PDZRN3: variants seen among roughly 807,000 people sequenced by gnomAD.
PDZRN3 encodes E3 ubiquitin-protein ligase PDZRN3.
In PDZRN3, 38 loss-of-function variants were observed where a neutral mutation model predicts 85.7. The ratio of observed to expected loss-of-function variants is 0.44; its 90% CI spans 0.34 to 0.58. PDZRN3 has a LOEUF of 0.58. Ranked by LOEUF, PDZRN3 falls within the 20% of genes least tolerant of loss-of-function variation. The pLI is 0.01. For synonymous variants in PDZRN3, 759 were observed against 638.0 expected (o/e 1.19, Z -2.86); for missense variants, 1,629 against 1,506.4 (o/e 1.08, Z -1.35).
Position 73,624,334 on chromosome 3 carries a change from T to C in PDZRN3, c.492A>G (p.Arg164=). Residue 164 remains arginine (R), a synonymous_variant, in exon 1 of 10, where the codon CGA becomes CGG. Coordinates refer to ENST00000263666, the MANE Select transcript of PDZRN3 (RefSeq NM_015009.3). The stretch of plus-strand genomic sequence containing the variant: ...GCGCGCCGTTGTGCGCCCGCAGCGC[T>C]CGCGCGCAGCAGTGGCCGCCCGCGC... ...EQRAGGHCCA[R]ALRAHNGALQ... is the part of the protein sequence containing the mutation. 1 of 1,309,640 alleles carries C rather than the reference T, an allele frequency of 7.6e-7. No individual in the cohort carries two copies. The highest frequency in any genetic ancestry group is 9.6e-7 in the Non-Finnish European group (1 of 1,036,712). 81.1% of individuals were successfully genotyped at this position (1,309,640 alleles called of 1,614,324 possible).
intron 3 of PDZRN3, among the ~76,000 whole-genome samples, chr3:73,593,007 C>T (rs1186924287): frequency 6.6e-6 from 1 of 151,952 alleles, no homozygotes; most frequent in Admixed American, 6.6e-5. Flanking sequence ...TTAAGTCAGC[C>T]CATCCCTAAC....
At chr3:73,578,115 C>T (rs896152320) in intron 3 of PDZRN3, among the ~76,000 whole-genome samples, 1 of 151,934 alleles carries the variant, frequency 6.6e-6, no homozygotes, top group African/African-American at 2.4e-5. Flanking sequence ...CTTAAGTGTG[C>T]CATTTGTTTA....
At chr3:73,565,181 C>T (rs907162355) in intron 3 of PDZRN3, among the ~76,000 whole-genome samples, 5 of 147,002 alleles carry the variant, frequency 3.4e-5, no homozygotes, top group Non-Finnish European at 4.4e-5. Context: ...CAGGCTGGAG[C>T]GCAGTGGTGT....
At chr3:73,532,064 C>T (rs909163256) in intron 3 of PDZRN3, among the ~76,000 whole-genome samples, 7 of 152,146 alleles carry the variant, frequency 4.6e-5, no homozygotes, top group Non-Finnish European at 8.8e-5. Flanking sequence ...TGCAGTGGCG[C>T]GATCTTGGCT....
intron 3 of PDZRN3, among the ~76,000 whole-genome samples, chr3:73,430,505 G>A (rs1159155502): frequency 6.6e-6 from 1 of 152,082 alleles, no homozygotes; most frequent in East Asian, 1.9e-4. Context: ...TACTGGCTGG[G>A]GTGGCACTCT....
At chr3:73,567,401 A>G (rs925556607) in intron 3 of PDZRN3, among the ~76,000 whole-genome samples, 1 of 152,254 alleles carries the variant, frequency 6.6e-6, no homozygotes, top group Non-Finnish European at 1.5e-5. Flanking sequence ...AAAAAATGCC[A>G]GGTACATTAT....
At chr3:73,612,291 G>A (rs551191179) in intron 1 of PDZRN3, among the ~76,000 whole-genome samples, 20 of 152,266 alleles carry the variant, frequency 1.3e-4, no homozygotes, top group African/African-American at 4.8e-4. Context: ...GGTCACGATT[G>A]GAACCCAGGT....
intron 3 of PDZRN3, among the ~76,000 whole-genome samples, chr3:73,513,844 C>T (rs1286257644): frequency 6.6e-6 from 1 of 152,148 alleles, no homozygotes; most frequent in Non-Finnish European, 1.5e-5. Context: ...GAGACACCCA[C>T]AAAATTTAAG....
At chr3:73,519,112 C>T (rs1053438033) in intron 3 of PDZRN3, among the ~76,000 whole-genome samples, 5 of 152,338 alleles carry the variant, frequency 3.3e-5, no homozygotes, top group Non-Finnish European at 2.9e-5. Flanking sequence ...CACTTATCTA[C>T]TTCACTCTGA....
At chr3:73,390,938 G>A (rs1701511104) in intron 6 of PDZRN3, 80 bp downstream of exon 6, 1 of 812,566 alleles carries the variant, frequency 1.2e-6, no homozygotes, top group African/African-American at 1.9e-5. Context: ...TGATGAGGTG[G>A]GTTAGGGTTG....
chr3:73,522,373 T>C (rs1559720656), intron 3 of PDZRN3, among the ~76,000 whole-genome samples: 1 of 152,208 alleles, frequency 6.6e-6, no homozygotes, highest in Non-Finnish European at 1.5e-5. Context: ...CATTTTAACT[T>C]ACCTTGGGGC....
intron 3 of PDZRN3, among the ~76,000 whole-genome samples, chr3:73,494,008 T>C (rs987777323): frequency 2.0e-5 from 3 of 152,236 alleles, no homozygotes; most frequent in African/African-American, 4.8e-5. Flanking sequence ...ATTTGAATAT[T>C]TGGCTCTAGC....
At chr3:73,504,988 T>G (rs1183222902) in intron 3 of PDZRN3, among the ~76,000 whole-genome samples, 1 of 152,220 alleles carries the variant, frequency 6.6e-6, no homozygotes, top group Non-Finnish European at 1.5e-5. Context: ...AGGAAAAGGA[T>G]AGTCTCTGTA....
intron 3 of PDZRN3, among the ~76,000 whole-genome samples, chr3:73,563,013 A>ATATT (rs1187151191): frequency 1.1e-4 from 5 of 43,762 alleles, no homozygotes; most frequent in African/African-American, 4.1e-4. Flanking sequence ...ATATATATAT[A>ATATT]TTTTTTTTTT....
intron 1 of PDZRN3, among the ~76,000 whole-genome samples, chr3:73,612,959 C>T (rs1275186705): frequency 6.6e-6 from 1 of 152,216 alleles, no homozygotes; most frequent in Non-Finnish European, 1.5e-5. Context: ...CATAGTTCAA[C>T]ACCGAGGTCA....
At chr3:73,507,388 C>G (rs1704087256) in intron 3 of PDZRN3, among the ~76,000 whole-genome samples, 3 of 152,118 alleles carry the variant, frequency 2.0e-5, no homozygotes, top group African/African-American at 7.2e-5. Flanking sequence ...CCAGGCTGGT[C>G]TCAACTCCTG....
At chr3:73,450,583 T>C (rs922989102) in intron 3 of PDZRN3, among the ~76,000 whole-genome samples, 3 of 152,228 alleles carry the variant, frequency 2.0e-5, no homozygotes, top group Non-Finnish European at 4.4e-5. Context: ...AATAGCCCAC[T>C]TGTAATAAAT....
intron 8 of PDZRN3, among the ~76,000 whole-genome samples, chr3:73,386,947 G>A (rs566719028): frequency 5.3e-5 from 8 of 152,306 alleles, no homozygotes; most frequent in Admixed American, 1.3e-4. Flanking sequence ...TAAGTCCTAC[G>A]TGTTGTGCGA....
chr3:73,383,959 C>T lies in PDZRN3; in HGVS notation c.2607G>A (p.Lys869=). The T allele has an allele frequency of 3.1e-6, 5 of 1,599,830 alleles. 1 individual carries two copies. Among genetic ancestry groups the T allele is most frequent in the Middle Eastern group, 3.3e-4 (2 of 5,984 alleles). ...YLPSYHHSPY[K]HAHIPAHAQH... is the part of the protein sequence containing the mutation. ...GGGCGTGCGCCGGGATGTGCGCGTGCTTGTATGGGGAGTGGTGATAGGAGG... is the reference window on the plus strand; with the variant it reads ...GGGCGTGCGCCGGGATGTGCGCGTGTTTGTATGGGGAGTGGTGATAGGAGG... The change falls in exon 10 of 10, where the codon AAG becomes AAA. Residue 869 remains lysine, a synonymous_variant. Transcript: ENST00000263666.
Sources: gnomAD v4.1 joint callset for allele counts (sites outside exome capture counted in the v4.1 genomes callset) on GRCh38, gnomAD v4.1.1 for gene constraint, MANE v1.5 for transcripts, NCBI Gene and HGNC (gene_info 2026-07-23, HGNC 2026-07-21) for gene names.